FBXL7: variants seen among roughly 807,000 people sequenced by gnomAD.
FBXL7 encodes the protein F-box/LRR-repeat protein 7.
Under a neutral mutation model 38.3 loss-of-function variants are expected in FBXL7, and 12 were observed. The ratio of observed to expected loss-of-function variants is 0.31; its 90% confidence interval spans 0.20 to 0.51. The LOEUF is 0.51. FBXL7 is among the 20% of genes least tolerant of loss of function. The pLI, the probability that FBXL7 is intolerant of heterozygous loss-of-function variation, is 0.98. For synonymous variants in FBXL7, 297 were observed against 300.9 expected (o/e 0.99, Z 0.13); for missense variants, 567 against 676.4 (o/e 0.84, Z 1.79).
chr5:15,578,626 C>T (rs1739040663), intron 1 of FBXL7, among the ~76,000 whole-genome samples: 2 of 152,090 alleles, frequency 1.3e-5, no homozygotes, highest in Admixed American at 1.3e-4. Flanking sequence ...TTCATGACCC[C>T]CCGTGATGCT....
chr5:15,548,146 A>G (rs1315896937), intron 1 of FBXL7, among the ~76,000 whole-genome samples: 1 of 152,194 alleles, frequency 6.6e-6, no homozygotes, highest in Admixed American at 6.5e-5. Flanking sequence ...CTGATCTATT[A>G]CCTTATAATT....
chr5:15,572,387 T>TAA (rs61523559), intron 1 of FBXL7, among the ~76,000 whole-genome samples: 30 of 110,534 alleles, frequency 2.7e-4, no homozygotes, highest in Admixed American at 6.2e-4. Flanking sequence ...TGGTTTCTGC[T>TAA]AAAAAAAAAA....
chr5:15,894,928 A>T (rs1741047538), intron 2 of FBXL7, among the ~76,000 whole-genome samples: 3 of 152,118 alleles, frequency 2.0e-5, no homozygotes, highest in Admixed American at 1.3e-4. Context: ...AAGTTGCTTC[A>T]CAGAAGAAAA....
intron 1 of FBXL7, among the ~76,000 whole-genome samples, chr5:15,546,318 G>C (rs1737889658): frequency 6.6e-6 from 1 of 152,144 alleles, no homozygotes; most frequent in Admixed American, 6.5e-5. Context: ...TGTAATCCCA[G>C]CACTTTGGGA....
Position 15,712,164 on chromosome 5 carries a change from T to C in FBXL7, c.127+96092T>C, listed in dbSNP as rs183789800. On this transcript the variant is annotated intron_variant, in intron 2 of 3. Transcript: ENST00000504595. ...AAAAGTTTCAATGTTTTTATGTGCA[T>C]GTACAATGCTTACATACAAAGTCAA... 2.3e-4 allele frequency among the ~76,000 whole-genome samples: 35 copies of C among 152,314 alleles called. No individual in the cohort carries two copies. In the East Asian group the frequency reaches 4.8e-3, roughly 21 times the overall value.
chr5:15,540,243 A>C (rs576535733), intron 1 of FBXL7, among the ~76,000 whole-genome samples: 2 of 152,338 alleles, frequency 1.3e-5, no homozygotes, highest in South Asian at 4.1e-4. Flanking sequence ...ATTCTTTTGT[A>C]GTACAATTTG....
intron 2 of FBXL7, among the ~76,000 whole-genome samples, chr5:15,804,711 A>C (rs1279243341): frequency 6.6e-6 from 1 of 152,128 alleles, no homozygotes; most frequent in African/African-American, 2.4e-5. Context: ...CAGTGGCAGC[A>C]TTAGATTCTC....
chr5:15,774,745 G>C (rs1736817088), intron 2 of FBXL7, among the ~76,000 whole-genome samples: 1 of 152,202 alleles, frequency 6.6e-6, no homozygotes, highest in Non-Finnish European at 1.5e-5. Flanking sequence ...AAAGTAGTTA[G>C]AGCGACAGTT....
intron 1 of FBXL7, among the ~76,000 whole-genome samples, chr5:15,517,358 A>G (rs1736971670): frequency 2.0e-5 from 3 of 152,236 alleles, no homozygotes. Context: ...GGTAAACTAA[A>G]GCATTCAGTG....
At chr5:15,521,949 A>C (rs776886764) in intron 1 of FBXL7, among the ~76,000 whole-genome samples, 1 of 152,236 alleles carries the variant, frequency 6.6e-6, no homozygotes, top group Non-Finnish European at 1.5e-5. Context: ...GTAATTAGAA[A>C]ATACCATTTT....
chr5:15,865,404 G>C (rs1406211743), intron 2 of FBXL7, among the ~76,000 whole-genome samples: 1 of 152,188 alleles, frequency 6.6e-6, no homozygotes. Flanking sequence ...TGTTCGAAGA[G>C]GGCTTTAAAG....
chr5:15,645,577 C>A (rs1741503887), intron 2 of FBXL7, among the ~76,000 whole-genome samples: 1 of 152,166 alleles, frequency 6.6e-6, no homozygotes, highest in African/African-American at 2.4e-5. Flanking sequence ...ACCGTGGGCA[C>A]ATGTCATCAG....
Position 15,744,639 on chromosome 5 carries a change from G to A in FBXL7, c.127+128567G>A, listed in dbSNP as rs139327586. On this transcript the variant is annotated intron_variant, in intron 2 of 3. Coordinates refer to ENST00000504595, the MANE Select transcript of FBXL7 (RefSeq NM_012304.5). The stretch of plus-strand genomic sequence containing the variant: ...CTGCCTGTTACCCAGTTCCAAAGTC[G>A]CTTCCACATTTTTGGGTATCTTTAT... Among the ~76,000 whole-genome samples, 1,080 of 152,132 alleles carry A rather than the reference G, an allele frequency of 7.1e-3. 12 individuals are homozygous for A. Among genetic ancestry groups the A allele is most frequent in the African/African-American group, 0.025 (1,020 of 41,526 alleles).
At chr5:15,866,118 T>A (rs1739698664) in intron 2 of FBXL7, among the ~76,000 whole-genome samples, 1 of 152,312 alleles carries the variant, frequency 6.6e-6, no homozygotes, top group East Asian at 1.9e-4. Flanking sequence ...TAGGATAAAA[T>A]CTATATGACA....
intron 2 of FBXL7, among the ~76,000 whole-genome samples, chr5:15,820,187 C>A (rs975709625): frequency 2.0e-5 from 3 of 152,166 alleles, no homozygotes; most frequent in African/African-American, 4.8e-5. Context: ...GTTGACTGCC[C>A]AGGCCTCTTG....
At chr5:15,845,380 A>G (rs1036046497) in intron 2 of FBXL7, among the ~76,000 whole-genome samples, 16 of 152,112 alleles carry the variant, frequency 1.1e-4, no homozygotes, top group African/African-American at 3.9e-4. Flanking sequence ...ATAGGATTTT[A>G]AGTGTCAAGG....
At chr5:15,583,886 G>C (rs752256627) in intron 1 of FBXL7, among the ~76,000 whole-genome samples, 1 of 152,178 alleles carries the variant, frequency 6.6e-6, no homozygotes, top group African/African-American at 2.4e-5. Context: ...TTCTCCATAA[G>C]GGCTTCACCC....
intron 2 of FBXL7, among the ~76,000 whole-genome samples, chr5:15,752,367 C>T (rs545005499): frequency 6.6e-6 from 1 of 152,226 alleles, no homozygotes; most frequent in African/African-American, 2.4e-5. Flanking sequence ...AAGATGATCT[C>T]TATTTTCAGT....
At chr5:15,898,855 T>G (rs947460102) in intron 2 of FBXL7, among the ~76,000 whole-genome samples, 1 of 152,182 alleles carries the variant, frequency 6.6e-6, no homozygotes, top group Non-Finnish European at 1.5e-5. Context: ...ACTTCATTGC[T>G]CCTGCTCAGC....
Sources: allele counts gnomAD v4.1 joint callset (sites outside exome capture counted in the v4.1 genomes callset), GRCh38; gene constraint gnomAD v4.1.1; transcripts MANE v1.5; gene names NCBI Gene and HGNC (gene_info 2026-07-23, HGNC 2026-07-21).